ADAMTS2: variants seen among roughly 807,000 people sequenced by gnomAD.
ADAMTS2 encodes the protein A disintegrin and metalloproteinase with thrombospondin motifs 2.
A neutral mutation model predicts 123.0 loss-of-function variants in ADAMTS2; 50 were observed. The observed-to-expected ratio is 0.41, with a 90% CI of 0.32 to 0.51. The LOEUF is 0.51. ADAMTS2 is among the 20% of genes least tolerant of loss of function. ADAMTS2 has a pLI of 0.35. For synonymous variants in ADAMTS2, 678 were observed against 695.4 expected, an observed-to-expected ratio of 0.98 and a Z score of 0.39; for missense variants, 1,494 against 1,705.2, an observed-to-expected ratio of 0.88 and a Z score of 2.18.
rs12659202 is a variant in ADAMTS2, at chr5:179,226,970, A to G, written c.689-19255T>C. Among the ~76,000 whole-genome samples, 84 of 152,324 alleles carry G rather than the reference A, an allele frequency of 5.5e-4. 1 individual carries two copies. The East Asian group carries it at 0.014, about 24-fold the overall frequency. ...GGCTGCTGTGGACGACGTCCAAGAC[A>G]TGTTCCCTGATAATCGCAAATGCAG... is the stretch of plus-strand genomic sequence containing the variant. On this transcript the variant is annotated intron_variant, in intron 3 of 21. Transcript: ENST00000251582.
At chr5:179,274,592 G>A (rs1461203264) in intron 2 of ADAMTS2, among the ~76,000 whole-genome samples, 1 of 152,136 alleles carries the variant, frequency 6.6e-6, no homozygotes, top group Non-Finnish European at 1.5e-5. Context: ...TCTTGGTTGT[G>A]GGGGGGCACG....
chr5:179,291,809 T>C (rs1342635725), intron 2 of ADAMTS2, among the ~76,000 whole-genome samples: 1 of 151,868 alleles, frequency 6.6e-6, no homozygotes, highest in Non-Finnish European at 1.5e-5. Flanking sequence ...CAAACACAGC[T>C]CACTGCAGCC....
chr5:179,148,700 C>T (rs1339136552), intron 10 of ADAMTS2, among the ~76,000 whole-genome samples: 1 of 152,190 alleles, frequency 6.6e-6, no homozygotes, highest in Non-Finnish European at 1.5e-5. Context: ...CACCTAGCGC[C>T]CACCTGTGCC....
In ADAMTS2 at chr5:179,152,899, C is replaced by A. The variant is rs553221588; in HGVS notation, c.1515+592G>T. ...CGCTTTGTGGGCTCAGGCAGGTTAC[C>A]TAGCCTCTCCGGGTCTCTGTTTCCT... On this transcript the variant is annotated intron_variant, in intron 9 of 21. Coordinates refer to ENST00000251582, the MANE Select transcript of ADAMTS2 (RefSeq NM_014244.5). 2.0e-4 allele frequency among the ~76,000 whole-genome samples: 30 copies of A among 152,272 alleles called. 1 individual carries two copies. The South Asian group carries it at 6.0e-3, about 30-fold the overall frequency.
chr5:179,297,355 C>T (rs1396357031), intron 2 of ADAMTS2, among the ~76,000 whole-genome samples: 6 of 152,206 alleles, frequency 3.9e-5, no homozygotes, highest in Non-Finnish European at 8.8e-5. Context: ...CCTGAATCCC[C>T]CAAGCCTGTC....
At position 179,162,399 on chromosome 5, in the gene ADAMTS2, G is replaced by A. The variant is rs896720388; in HGVS notation, c.976-3520C>T. 5.9e-5 allele frequency among the ~76,000 whole-genome samples: 9 copies of A among 152,272 alleles called. No individual in the cohort carries two copies. The highest frequency in any genetic ancestry group is 1.9e-4 in the African/African-American group (8 of 41,564). On this transcript the variant is annotated intron_variant, in intron 5 of 21. Coordinates refer to ENST00000251582, the MANE Select transcript of ADAMTS2 (RefSeq NM_014244.5). The surrounding 1 kb of genome is among the most constrained non-coding windows in gnomAD (Gnocchi z 5.1). Reference sequence around the variant, plus strand: ...GCGGCTGGAGCCCCCCTGCACTACAGGAGACCCCCCACCAAGGATTAAAGG... The same window carrying A: ...GCGGCTGGAGCCCCCCTGCACTACAAGAGACCCCCCACCAAGGATTAAAGG...
intron 3 of ADAMTS2, among the ~76,000 whole-genome samples, chr5:179,231,040 A>C (rs1765401774): frequency 6.6e-6 from 1 of 152,008 alleles, no homozygotes; most frequent in South Asian, 2.1e-4. Context: ...GGCTACCAAA[A>C]GATGAGAGGG....
At chr5:179,216,608 G>A (rs1312358067) in intron 3 of ADAMTS2, among the ~76,000 whole-genome samples, 2 of 152,192 alleles carry the variant, frequency 1.3e-5, no homozygotes, top group African/African-American at 4.8e-5. Flanking sequence ...CCCCAGGAGG[G>A]GCCTTGTCAG....
intron 5 of ADAMTS2, among the ~76,000 whole-genome samples, chr5:179,177,572 T>C (rs1325024476): frequency 1.3e-5 from 2 of 152,204 alleles, no homozygotes; most frequent in Admixed American, 1.3e-4. Flanking sequence ...ATGGGACTTA[T>C]GGCATATTCT....
At chr5:179,254,830 A>T (rs764869896) in intron 3 of ADAMTS2, among the ~76,000 whole-genome samples, 2 of 152,270 alleles carry the variant, frequency 1.3e-5, no homozygotes, top group Non-Finnish European at 1.5e-5. Context: ...GTCATGGTTC[A>T]TCTGGGAGTC....
intron 2 of ADAMTS2, among the ~76,000 whole-genome samples, chr5:179,343,463 C>T (rs982327911): frequency 2.0e-5 from 3 of 152,228 alleles, no homozygotes; most frequent in African/African-American, 7.2e-5. Flanking sequence ...CACGGACCCA[C>T]CCCCGGATGC....
intron 10 of ADAMTS2, among the ~76,000 whole-genome samples, chr5:179,143,724 A>G (rs1330072892): frequency 6.7e-6 from 1 of 149,498 alleles, no homozygotes; most frequent in East Asian, 1.9e-4. Context: ...TAAGCACACG[A>G]AAAGCAACGG....
chr5:179,253,302 G>A (rs1261239013), intron 3 of ADAMTS2, among the ~76,000 whole-genome samples: 1 of 152,082 alleles, frequency 6.6e-6, no homozygotes, highest in Non-Finnish European at 1.5e-5. Context: ...ATCTCAATTT[G>A]TCTTGGTTTT....
intron 11 of ADAMTS2, among the ~76,000 whole-genome samples, chr5:179,138,271 C>T (rs897676836): frequency 2.0e-4 from 30 of 152,294 alleles, no homozygotes; most frequent in Admixed American, 8.5e-4. Flanking sequence ...TGGAGATGAA[C>T]AGGAAGCTGT....
Position 179,225,568 on chromosome 5 carries a change from A to C in ADAMTS2, c.689-17853T>G, listed in dbSNP as rs1230324208. On this transcript the variant is annotated intron_variant, in intron 3 of 21. Transcript: ENST00000251582. This position sits in a 1 kb window ranked among gnomAD's most constrained non-coding sequence, Gnocchi z 4.5. ...GGCGGCTGGACGTCGAGAGGAGCGC[A>C]TGAGGGGAGGAACACACAGGCGGCT... Among the ~76,000 whole-genome samples, 1 of 152,128 alleles carries C rather than the reference A, an allele frequency of 6.6e-6. No homozygotes were observed. Among genetic ancestry groups the C allele is most frequent in the East Asian group, 1.9e-4 (1 of 5,176 alleles).
chr5:179,303,852 C>T lies in ADAMTS2; in HGVS notation c.535-30788G>A, dbSNP rs1009352969. Reference sequence around the variant, plus strand: ...CAAGACAGCAGGGTCAATAAAGCCCCAGCTTTCTGGCCAGAGAGATTTAAC... The same window carrying T: ...CAAGACAGCAGGGTCAATAAAGCCCTAGCTTTCTGGCCAGAGAGATTTAAC... On this transcript the variant is annotated intron_variant, in intron 2 of 21. Transcript: ENST00000251582. The surrounding 1 kb of genome is among the most constrained non-coding windows in gnomAD (Gnocchi z 4.7). Among the ~76,000 whole-genome samples, 13 of 152,146 alleles carry T rather than the reference C, an allele frequency of 8.5e-5. No homozygotes were observed. Among genetic ancestry groups the T allele is most frequent in the African/African-American group, 3.1e-4 (13 of 41,418 alleles).
At position 179,332,237 on chromosome 5, in the gene ADAMTS2, C is replaced by T. The variant is rs954769117; in HGVS notation, c.534+11530G>A. The stretch of plus-strand genomic sequence containing the variant: ...GGGAGGGATGGGCAGGGCAAGGTAA[C>T]GGGAAGGGCTGCAGAGCCTCCACGC... On this transcript the variant is annotated intron_variant, in intron 2 of 21. Coordinates refer to ENST00000251582, the MANE Select transcript of ADAMTS2 (RefSeq NM_014244.5). The surrounding 1 kb of genome is among the most constrained non-coding windows in gnomAD (Gnocchi z 4.2). Among the ~76,000 whole-genome samples the T allele has an allele frequency of 4.6e-5, 7 of 152,160 alleles. No individual in the cohort carries two copies. Among genetic ancestry groups the T allele is most frequent in the East Asian group, 1.9e-4 (1 of 5,194 alleles).
intron 5 of ADAMTS2, among the ~76,000 whole-genome samples, chr5:179,178,542 C>A (rs916183237): frequency 2.6e-5 from 4 of 152,266 alleles, no homozygotes; most frequent in Non-Finnish European, 5.9e-5. Flanking sequence ...GCTTTCCTTT[C>A]TGCCAGGAGA....
In ADAMTS2 at chr5:179,167,326, C is replaced by G. The variant is rs28647644; in HGVS notation, c.976-8447G>C. ...AACAGCGGCCCGGGCCGGGGACGCACCCGGCGCCCAGACTCCGCGGCCGCA... is the reference window on the plus strand; with the variant it reads ...AACAGCGGCCCGGGCCGGGGACGCAGCCGGCGCCCAGACTCCGCGGCCGCA... On this transcript the variant is annotated intron_variant, in intron 5 of 21. Transcript: ENST00000251582. Among the ~76,000 whole-genome samples, 854 of 152,074 alleles carry G rather than the reference C, an allele frequency of 5.6e-3. 9 individuals carry two copies. The highest frequency in any genetic ancestry group is 0.019 in the African/African-American group (808 of 41,530).
Sources: gnomAD v4.1 joint callset for allele counts (sites outside exome capture counted in the v4.1 genomes callset) on GRCh38, gnomAD v4.1.1 for gene constraint, Gnocchi (gnomAD v3.1) non-coding constraint, MANE v1.5 for transcripts, NCBI Gene and HGNC (gene_info 2026-07-23, HGNC 2026-07-21) for gene names.